The following ZZEF1 variants were observed in gnomAD, a reference collection of about 807,000 sequenced individuals.
ZZEF1 encodes zinc finger ZZ-type and EF-hand domain containing 1, also known as zinc finger ZZ-type and EF-hand domain-containing protein 1.
Under a neutral mutation model 342.8 loss-of-function variants are expected in ZZEF1, and 157 were observed. The ratio of observed to expected loss-of-function variants is 0.46; its 90% CI spans 0.40 to 0.52. The LOEUF (loss-of-function observed/expected upper bound fraction) is 0.52, where lower values mean the gene tolerates loss of function less well. Among genes scored for constraint, ZZEF1 ranks in the 20% least tolerant of loss-of-function variants. The pLI is 0.00. For synonymous variants in ZZEF1, 1,505 were observed against 1,429.1 expected (o/e 1.05, Z -1.20); for missense variants, 3,480 against 3,725.6 (o/e 0.93, Z 1.72).
intron 1 of ZZEF1, among the ~76,000 whole-genome samples, chr17:4,128,631 T>C (rs1158187664): frequency 6.6e-6 from 1 of 151,416 alleles, no homozygotes; most frequent in Non-Finnish European, 1.5e-5. Flanking sequence ...GGCTAATTTT[T>C]TGCACTTTTT....
chr17:4,102,787 T>C (rs191459911), intron 8 of ZZEF1, among the ~76,000 whole-genome samples: 1 of 152,312 alleles, frequency 6.6e-6, no homozygotes, highest in Admixed American at 6.5e-5. Context: ...CATTTAAATA[T>C]AAAATATTTT....
intron 26 of ZZEF1, among the ~76,000 whole-genome samples, chr17:4,068,723 GC>G (rs2057452168): frequency 6.6e-6 from 1 of 152,136 alleles, no homozygotes; most frequent in South Asian, 2.1e-4. Flanking sequence ...AATTCCTGAA[GC>G]CCTGGAATAC....
chr17:4,132,386 G>T (rs1461073135), intron 1 of ZZEF1, among the ~76,000 whole-genome samples: 2 of 151,886 alleles, frequency 1.3e-5, no homozygotes, highest in Non-Finnish European at 1.5e-5. Context: ...GTTTCACCAT[G>T]TTGGCCAGGC....
chr17:4,103,754 C>T (rs996871043), intron 8 of ZZEF1, among the ~76,000 whole-genome samples: 14 of 151,950 alleles, frequency 9.2e-5, no homozygotes, highest in African/African-American at 3.4e-4. Context: ...CCAATCTCTA[C>T]AAAAAATTTT....
chr17:4,131,914 C>T (rs1447969319), intron 1 of ZZEF1, among the ~76,000 whole-genome samples: 1 of 152,136 alleles, frequency 6.6e-6, no homozygotes, highest in African/African-American at 2.4e-5. Flanking sequence ...AGGGGACGTG[C>T]ATGCATGGGC....
intron 6 of ZZEF1, among the ~76,000 whole-genome samples, chr17:4,107,643 G>A (rs1198443257): frequency 6.6e-6 from 1 of 152,168 alleles, no homozygotes; most frequent in Non-Finnish European, 1.5e-5. Flanking sequence ...TCCATGCAAG[G>A]GCAGGGGCAA....
chr17:4,095,084 G>A (rs1567836727), intron 11 of ZZEF1, among the ~76,000 whole-genome samples: 1 of 152,140 alleles, frequency 6.6e-6, no homozygotes, highest in African/African-American at 2.4e-5. Flanking sequence ...CTCTCCAGCT[G>A]CATCTCTCAT....
At chr17:4,064,853 T>C (rs773586640) in intron 28 of ZZEF1, 24 bp from the exon 29 acceptor site, 2 of 1,370,966 alleles carry the variant, frequency 1.5e-6, no homozygotes, top group Non-Finnish European at 9.4e-7. Flanking sequence ...AGAATCATAA[T>C]TGAAAAAAAA....
At chr17:4,117,403 T>C (rs557149289) in intron 2 of ZZEF1, among the ~76,000 whole-genome samples, 1 of 152,318 alleles carries the variant, frequency 6.6e-6, no homozygotes, top group East Asian at 1.9e-4. Flanking sequence ...CCCAGCACTT[T>C]GGGAGGCCGA....
intron 17 of ZZEF1, among the ~76,000 whole-genome samples, chr17:4,082,218 G>A (rs532557459): frequency 6.6e-6 from 1 of 152,122 alleles, no homozygotes; most frequent in East Asian, 1.9e-4. Flanking sequence ...GACCCTCAAC[G>A]GGCTCAATCT....
intron 45 of ZZEF1, chr17:4,020,010 T>C: frequency 4.9e-6 from 2 of 404,826 alleles, no homozygotes; most frequent in Non-Finnish European, 4.4e-6. Context: ...CCCAAAGAAA[T>C]ATCCTGTCAA....
Position 4,044,221 on chromosome 17 carries a change from T to C in ZZEF1, c.6166+3A>G, listed in dbSNP as rs2056861905. 6 of 1,613,496 alleles carry C rather than the reference T, an allele frequency of 3.7e-6. No homozygotes were observed. Among genetic ancestry groups the C allele is most frequent in the East Asian group, 2.2e-5 (1 of 44,888 alleles). On this transcript the variant is annotated splice_donor_region_variant and intron_variant, in intron 38 of 54. Coordinates refer to ENST00000381638, the MANE Select transcript of ZZEF1 (RefSeq NM_015113.4). Reference sequence around the variant, plus strand: ...ATGAAGATAATGGTCAAATAGTCTTTACCTGGAAGTCCTGTAGGTGGGCTA... The same window carrying C: ...ATGAAGATAATGGTCAAATAGTCTTCACCTGGAAGTCCTGTAGGTGGGCTA...
chr17:4,080,811 T>G (rs2057709813), intron 18 of ZZEF1, among the ~76,000 whole-genome samples: 1 of 152,236 alleles, frequency 6.6e-6, no homozygotes, highest in South Asian at 2.1e-4. Flanking sequence ...ATTCCTCTTT[T>G]TCCACAGGAA....
In ZZEF1 at chr17:4,070,720, G is replaced by A. The variant is rs781076941; in HGVS notation, c.4039C>T (p.Arg1347Cys). ...VNATFAALVY[R>C]TPDLYEKLQK... ...AGCTTCTCATATAAATCTGGAGTGCGATACACCAGAGCAGCAAAGGTGGCG... is the reference window on the plus strand; with the variant it reads ...AGCTTCTCATATAAATCTGGAGTGCAATACACCAGAGCAGCAAAGGTGGCG... The change falls in exon 26 of 55, where the codon CGC becomes TGC. Residue 1347 changes from arginine (R) to cysteine (C), a missense_variant. Physicochemically the swap from Arg to Cys is radical, Grantham distance 180 (BLOSUM62 -3). Around this residue, in one of 5 missense-constraint regions of ZZEF1, gnomAD observed 1,528 missense variants for 1,624.1 expected, o/e 0.94. Transcript: ENST00000381638. 12 of 1,614,024 alleles carry A rather than the reference G, an allele frequency of 7.4e-6. No homozygotes were observed. Among genetic ancestry groups the A allele is most frequent in the Middle Eastern group, 1.6e-4 (1 of 6,062 alleles).
At chr17:4,039,876 C>T (rs778273865) in intron 39 of ZZEF1, among the ~76,000 whole-genome samples, 2 of 152,030 alleles carry the variant, frequency 1.3e-5, no homozygotes, top group Admixed American at 1.3e-4. Flanking sequence ...GATCTCCTGA[C>T]CTCATGATCT....
chr17:4,084,998 G>C (rs2057793008), intron 16 of ZZEF1, among the ~76,000 whole-genome samples: 1 of 152,196 alleles, frequency 6.6e-6, no homozygotes, highest in Non-Finnish European at 1.5e-5. Flanking sequence ...AGTAGTCCCA[G>C]CTACTTGGGA....
chr17:4,137,403 G>A (rs943938058), intron 1 of ZZEF1, among the ~76,000 whole-genome samples: 1 of 152,208 alleles, frequency 6.6e-6, no homozygotes, highest in African/African-American at 2.4e-5. Flanking sequence ...AAGGTCAGGA[G>A]ATCGAGACCA....
chr17:4,040,038 T>C (rs2056769957), intron 39 of ZZEF1, among the ~76,000 whole-genome samples: 1 of 152,032 alleles, frequency 6.6e-6, no homozygotes, highest in Admixed American at 6.6e-5. Flanking sequence ...ATTCCAAGGG[T>C]TAAAAAAAGA....
chr17:4,099,097 C>T (rs577562019), intron 9 of ZZEF1, among the ~76,000 whole-genome samples: 1 of 152,210 alleles, frequency 6.6e-6, no homozygotes, highest in South Asian at 2.1e-4. Flanking sequence ...TTTAAAATAA[C>T]ACTGCCACCA....
Sources: gnomAD v4.1 joint callset for allele counts (sites outside exome capture counted in the v4.1 genomes callset) on GRCh38, gnomAD v4.1.1 for gene constraint, gnomAD v4.1.1 regional missense constraint, MANE v1.5 for transcripts, NCBI Gene and HGNC (gene_info 2026-07-23, HGNC 2026-07-21) for gene names.